SPATS2: variants seen among roughly 807,000 people sequenced by gnomAD.
The protein encoded by SPATS2 is spermatogenesis-associated serine-rich protein 2.
SPATS2 carries 38 observed loss-of-function variants against 63.7 expected under a neutral mutation model. That is an observed-to-expected ratio of 0.60 (90% CI 0.46 to 0.78). The LOEUF (loss-of-function observed/expected upper bound fraction) is 0.78. Among genes scored for constraint, SPATS2 ranks in the 30% least tolerant of loss-of-function variants. SPATS2 has a pLI of 0.00. For synonymous variants in SPATS2, 207 were observed against 232.9 expected (o/e 0.89, Z 1.01); for missense variants, 588 against 666.2 (o/e 0.88, Z 1.29).
chr12:49,392,273 CTT>C (rs1300563424), intron 2 of SPATS2, among the ~76,000 whole-genome samples: 1 of 151,136 alleles, frequency 6.6e-6, no homozygotes, highest in Non-Finnish European at 1.5e-5. Flanking sequence ...AGAACCTTAA[CTT>C]TATGTCTGAG....
intron 2 of SPATS2, among the ~76,000 whole-genome samples, chr12:49,444,175 C>T (rs369131788): frequency 1.1e-4 from 17 of 151,322 alleles, no homozygotes; most frequent in East Asian, 5.8e-4. Flanking sequence ...GAGATTTGTA[C>T]ATCTGTTATT....
Position 49,500,011 on chromosome 12 carries a change from C to G in SPATS2, c.704-59C>G, listed in dbSNP as rs1946536457. 3 of 1,284,814 alleles carry G rather than the reference C, an allele frequency of 2.3e-6. No individual in the cohort carries two copies. The South Asian group carries it at 7.5e-5, about 32-fold the overall frequency. The allele number at this position is 1,284,814 out of a possible 1,614,324, so 79.6% of individuals were successfully genotyped here. On this transcript the variant is annotated intron_variant, in intron 8 of 13. Coordinates refer to ENST00000552918, the MANE Select transcript of SPATS2 (RefSeq NM_023071.4). ...GGCTTTGGTGTTCAGATCCGACTTTCAAGTTACCTATATAATTATTCTTTT... is the reference window on the plus strand; with the variant it reads ...GGCTTTGGTGTTCAGATCCGACTTTGAAGTTACCTATATAATTATTCTTTT...
chr12:49,476,679 C>A (rs1946123850), intron 3 of SPATS2, among the ~76,000 whole-genome samples: 2 of 152,236 alleles, frequency 1.3e-5, no homozygotes, highest in Admixed American at 6.5e-5. Flanking sequence ...CACACCCCCA[C>A]TGCATGCCCT....
At chr12:49,498,146 ATATAT>A (rs1392115025) in intron 8 of SPATS2, among the ~76,000 whole-genome samples, 99 of 65,438 alleles carry the variant, frequency 1.5e-3, no homozygotes, top group African/African-American at 9.2e-3. Context: ...AAAAAAAAAA[ATATAT>A]ATATATATAT....
intron 6 of SPATS2, among the ~76,000 whole-genome samples, chr12:49,494,071 A>G (rs944775895): frequency 6.6e-6 from 1 of 152,160 alleles, no homozygotes; most frequent in African/African-American, 2.4e-5. Context: ...CACTTTGCAT[A>G]TGTGTTATTC....
Position 49,519,235 on chromosome 12 carries a change from A to G in SPATS2, c.1008+53A>G, listed in dbSNP as rs183331866. Reference sequence around the variant, plus strand: ...TCTTCTTATCCTCAGGGGCTAAAGTAAGAAATTTTCATAATTCATGGCCAT... The same window carrying G: ...TCTTCTTATCCTCAGGGGCTAAAGTGAGAAATTTTCATAATTCATGGCCAT... On this transcript the variant is annotated intron_variant, in intron 11 of 13. Coordinates refer to ENST00000552918, the MANE Select transcript of SPATS2 (RefSeq NM_023071.4). 5.2e-5 allele frequency: 75 copies of G among 1,451,198 alleles called. No individual in the cohort carries two copies. The African/African-American group carries it at 1.0e-3, about 20-fold the overall frequency. The allele number at this position is 1,451,198 out of a possible 1,614,324, so 89.9% of individuals were successfully genotyped here.
intron 2 of SPATS2, among the ~76,000 whole-genome samples, chr12:49,438,435 T>C (rs1945356493): frequency 6.6e-6 from 1 of 152,224 alleles, no homozygotes; most frequent in Admixed American, 6.5e-5. Context: ...TTATTTCTTT[T>C]GGGTGTATGT....
In SPATS2 at chr12:49,484,671, TAA is replaced by T; in HGVS notation, c.105+3_105+4del. The stretch of plus-strand genomic sequence containing the variant: ...GCTTTTGAGAACATGAAAGAGAAGG[TAA>T]GACTAGTCACTATGGATAGTAAACT... On this transcript the variant is annotated splice_donor_region_variant and intron_variant, in intron 4 of 13. Transcript: ENST00000552918. 5 of 1,613,734 alleles carry T rather than the reference TAA, an allele frequency of 3.1e-6. No individual in the cohort carries two copies. Among genetic ancestry groups the T allele is most frequent in the Non-Finnish European group, 4.2e-6 (5 of 1,179,714 alleles).
At chr12:49,387,065 G>A (rs1170932115) in intron 2 of SPATS2, 1 of 152,056 alleles carries the variant, frequency 6.6e-6, no homozygotes, top group Non-Finnish European at 1.5e-5. Flanking sequence ...GAATAAGGAG[G>A]GAGACTGATT....
At chr12:49,510,319 T>C (rs1029875328) in intron 9 of SPATS2, among the ~76,000 whole-genome samples, 4 of 151,190 alleles carry the variant, frequency 2.6e-5, no homozygotes, top group Non-Finnish European at 5.9e-5. Flanking sequence ...CCTAGTACTT[T>C]GGGAGGCTGA....
At chr12:49,481,545 G>A (rs1219392163) in intron 3 of SPATS2, among the ~76,000 whole-genome samples, 1 of 133,944 alleles carries the variant, frequency 7.5e-6, no homozygotes, top group East Asian at 2.3e-4. Context: ...TCAGCTCACT[G>A]CAACCTCTGC....
intron 2 of SPATS2, among the ~76,000 whole-genome samples, chr12:49,410,890 A>G (rs1266220496): frequency 6.6e-6 from 1 of 151,912 alleles, no homozygotes; most frequent in Non-Finnish European, 1.5e-5. Flanking sequence ...CTATTCTTTA[A>G]TGTGACTGAG....
At position 49,526,211 on chromosome 12, in the gene SPATS2, CA is replaced by C; in HGVS notation, c.1595del (p.Gln532ArgfsTer12). 3 of 1,614,102 alleles carry C rather than the reference CA, an allele frequency of 1.9e-6. No individual in the cohort carries two copies. Among genetic ancestry groups the C allele is most frequent in the South Asian group, 1.1e-5 (1 of 91,074 alleles). ...GCCTTCATTCAAAAAGGGGCTCCCCCAGCGCAAACCCAGGACCTCTCAGACT... is the reference window on the plus strand; with the variant it reads ...GCCTTCATTCAAAAAGGGGCTCCCCCGCGCAAACCCAGGACCTCTCAGACT... ...PTPSFKKGLP[Q>X]RKPRTSQTEA... On this transcript the variant is annotated frameshift_variant, in exon 14 of 14. Coordinates refer to ENST00000552918, the MANE Select transcript of SPATS2 (RefSeq NM_023071.4). LOFTEE classifies it high-confidence loss of function.
intron 2 of SPATS2, among the ~76,000 whole-genome samples, chr12:49,412,719 A>G (rs1944818850): frequency 6.6e-6 from 1 of 150,860 alleles, no homozygotes; most frequent in African/African-American, 2.4e-5. Context: ...CTGTACTACT[A>G]CAGCCTGGGC....
intron 2 of SPATS2, among the ~76,000 whole-genome samples, chr12:49,429,783 CTTCT>C (rs1443514827): frequency 3.1e-5 from 4 of 127,496 alleles, no homozygotes; most frequent in African/African-American, 1.0e-4. Flanking sequence ...TCTTCTTCTT[CTTCT>C]TTTTTTTTTT....
chr12:49,480,205 A>G (rs1048254940), intron 3 of SPATS2, among the ~76,000 whole-genome samples: 4 of 152,184 alleles, frequency 2.6e-5, no homozygotes, highest in African/African-American at 4.8e-5. Context: ...ACTTGTCTCT[A>G]TGGTGAGCAG....
intron 2 of SPATS2, among the ~76,000 whole-genome samples, chr12:49,451,268 A>T (rs1312926038): frequency 6.6e-6 from 1 of 151,730 alleles, no homozygotes; most frequent in African/African-American, 2.4e-5. Context: ...TAAGCGTATG[A>T]TTATTTTATT....
intron 9 of SPATS2, among the ~76,000 whole-genome samples, chr12:49,502,291 T>C (rs1946579382): frequency 6.6e-6 from 1 of 151,722 alleles, no homozygotes; most frequent in Admixed American, 6.6e-5. Flanking sequence ...TGCAGAGGAG[T>C]AGTTAATCAA....
chr12:49,508,925 G>A (rs551063438), intron 9 of SPATS2, among the ~76,000 whole-genome samples: 2 of 151,998 alleles, frequency 1.3e-5, no homozygotes, highest in African/African-American at 2.4e-5. Context: ...TTAGCCAGGC[G>A]TGGTGGCGTG....
Sources: allele counts gnomAD v4.1 joint callset (sites outside exome capture counted in the v4.1 genomes callset), GRCh38; gene constraint gnomAD v4.1.1; transcripts MANE v1.5; gene names NCBI Gene and HGNC (gene_info 2026-07-23, HGNC 2026-07-21).